RGL1: variants seen among roughly 807,000 people sequenced by gnomAD.
The protein encoded by RGL1 is ral guanine nucleotide dissociation stimulator like 1.
A neutral mutation model predicts 95.2 loss-of-function variants in RGL1; 24 were observed. The observed-to-expected ratio is 0.25, with a 90% confidence interval of 0.18 to 0.35. RGL1 has a LOEUF of 0.35. Among genes scored for constraint, RGL1 ranks in the 10% least tolerant of loss-of-function variants. The probability of loss-of-function intolerance (pLI) is 1.00; values close to 1 mark genes in which losing one functional copy is unlikely to be tolerated. For missense variants in RGL1, 715 were observed against 936.3 expected (o/e 0.76, Z 3.08); for synonymous variants, 329 against 344.9 (o/e 0.95, Z 0.51).
At chr1:183,643,741 G>A (rs1323472010) in intron 1 of RGL1, among the ~76,000 whole-genome samples, 1 of 152,126 alleles carries the variant, frequency 6.6e-6, no homozygotes. Context: ...ATGAACCACC[G>A]TGCTTGGCCA....
chr1:183,771,629 G>C lies in RGL1; in HGVS notation c.132+29340G>C, dbSNP rs568740383. ...TTAAACTCATCCTTCCTTTTGATAC[G>C]TGAGTGCTGGGAAGGGAAGAGCGTG... is the stretch of plus-strand genomic sequence containing the variant. On this transcript the variant is annotated intron_variant, in intron 2 of 18. Transcript: ENST00000304685. Among the ~76,000 whole-genome samples the C allele has an allele frequency of 5.3e-5, 8 of 152,338 alleles. No homozygotes were observed. In the South Asian group the frequency reaches 1.7e-3, roughly 32 times the overall value.
intron 13 of RGL1, 140 bp downstream of exon 13, chr1:183,905,111 G>A (rs967430186): frequency 2.3e-5 from 23 of 993,526 alleles, no homozygotes; most frequent in Admixed American, 1.3e-4. Flanking sequence ...TTTCAAAGGC[G>A]CATGGTGTGG....
chr1:183,722,284 A>C (rs1465448708), intron 1 of RGL1, among the ~76,000 whole-genome samples: 1 of 152,054 alleles, frequency 6.6e-6, no homozygotes, highest in Non-Finnish European at 1.5e-5. Flanking sequence ...ACCTATCCAA[A>C]ATGAAGCTTA....
intron 1 of RGL1, among the ~76,000 whole-genome samples, chr1:183,668,859 TC>T (rs1652226418): frequency 6.6e-6 from 1 of 151,942 alleles, no homozygotes; most frequent in African/African-American, 2.4e-5. Context: ...TTTGTAGTTG[TC>T]CCCCAGCTTT....
Position 183,815,512 on chromosome 1 carries a change from T to C in RGL1, c.138+9027T>C, listed in dbSNP as rs140251039. 5.0e-4 allele frequency among the ~76,000 whole-genome samples: 76 copies of C among 152,192 alleles called. 1 individual carries two copies. In the East Asian group the frequency reaches 0.013, roughly 25 times the overall value. On this transcript the variant is annotated intron_variant, in intron 2 of 17. Coordinates refer to ENST00000360851, the MANE Select transcript of RGL1 (RefSeq NM_001297671.3). ...AGGCCTGGCTAGGGAATTAGCTCAG[T>C]TGGGGACTTCGTAGACACTGGCACC...
chr1:183,907,759 G>A (rs1312891685), intron 14 of RGL1, among the ~76,000 whole-genome samples: 1 of 152,156 alleles, frequency 6.6e-6, no homozygotes, highest in Non-Finnish European at 1.5e-5. Flanking sequence ...TATCATGCTC[G>A]CAGTTGTATT....
chr1:183,906,783 C>G (rs920699864), intron 13 of RGL1, among the ~76,000 whole-genome samples: 9 of 136,754 alleles, frequency 6.6e-5, no homozygotes, highest in African/African-American at 2.5e-4. Context: ...ACTAAATAGC[C>G]TCAATCCATA....
intron 3 of RGL1, among the ~76,000 whole-genome samples, chr1:183,852,741 A>G (rs1664899849): frequency 6.6e-6 from 1 of 152,148 alleles, no homozygotes; most frequent in African/African-American, 2.4e-5. Flanking sequence ...TGAACCTGGG[A>G]GGCAGAAGTT....
Position 183,889,881 on chromosome 1 carries a change from T to A in RGL1, c.1055+1304T>A, listed in dbSNP as rs182369747. 2.6e-5 allele frequency among the ~76,000 whole-genome samples: 4 copies of A among 152,304 alleles called. No homozygotes were observed. The East Asian group carries it at 7.7e-4, about 29-fold the overall frequency. ...TCAAAGACCAATGCAATTTTCTTGATTATTATTCTTTTTTTAGGTTCTTTC... is the reference window on the plus strand; with the variant it reads ...TCAAAGACCAATGCAATTTTCTTGAATATTATTCTTTTTTTAGGTTCTTTC... On this transcript the variant is annotated intron_variant, in intron 8 of 17. Coordinates refer to ENST00000360851, the MANE Select transcript of RGL1 (RefSeq NM_001297671.3).
intron 2 of RGL1, among the ~76,000 whole-genome samples, chr1:183,752,993 G>A (rs1204319531): frequency 8.6e-5 from 13 of 151,972 alleles, no homozygotes. Context: ...ACATTTTGGG[G>A]TACGAGGGCT....
intron 2 of RGL1, among the ~76,000 whole-genome samples, chr1:183,779,153 A>AT (rs1659750366): frequency 1.4e-5 from 2 of 142,384 alleles, no homozygotes; most frequent in Non-Finnish European, 3.1e-5. Flanking sequence ...AAATTTCAAA[A>AT]TTTTCCCTTC....
intron 1 of RGL1, among the ~76,000 whole-genome samples, chr1:183,710,722 G>C (rs576045016): frequency 6.6e-6 from 1 of 152,152 alleles, no homozygotes; most frequent in Non-Finnish European, 1.5e-5. Context: ...TGAAGTATCA[G>C]ATCTCATGAG....
intron 1 of RGL1, among the ~76,000 whole-genome samples, chr1:183,735,122 A>G (rs1222231987): frequency 6.6e-6 from 1 of 152,050 alleles, no homozygotes. Context: ...AAGGGGGAGA[A>G]AGTATGTGGT....
chr1:183,849,501 T>G (rs1289985669), intron 3 of RGL1, among the ~76,000 whole-genome samples: 2 of 141,090 alleles, frequency 1.4e-5, no homozygotes, highest in African/African-American at 5.3e-5. Flanking sequence ...TTTTTTTTTT[T>G]TTTTTGTTGA....
At chr1:183,758,945 GC>G (rs1192766123) in intron 2 of RGL1, among the ~76,000 whole-genome samples, 1 of 152,134 alleles carries the variant, frequency 6.6e-6, no homozygotes, top group East Asian at 1.9e-4. Flanking sequence ...CTTACCCCAA[GC>G]TATTAATTGG....
chr1:183,747,196 G>A (rs1164932177), intron 2 of RGL1, among the ~76,000 whole-genome samples: 1 of 152,144 alleles, frequency 6.6e-6, no homozygotes, highest in African/African-American at 2.4e-5. Flanking sequence ...GGGTCAAATG[G>A]TATTTCTGGT....
In RGL1 at chr1:183,725,577, G is replaced by A. The variant is rs184830237; in HGVS notation, c.-32-16549G>A. The stretch of plus-strand genomic sequence containing the variant: ...AAAAAAAATAAGAACTATTACCAGG[G>A]ATAAAGAGGAATATTTCACAATGAT... On this transcript the variant is annotated intron_variant, in intron 1 of 18. Transcript: ENST00000304685. Among the ~76,000 whole-genome samples, 280 of 152,254 alleles carry A rather than the reference G, an allele frequency of 1.8e-3. 1 individual carries two copies. The highest frequency in any genetic ancestry group is 6.4e-3 in the African/African-American group (266 of 41,548).
At chr1:183,730,476 C>T (rs1197794552) in intron 1 of RGL1, among the ~76,000 whole-genome samples, 1 of 152,134 alleles carries the variant, frequency 6.6e-6, no homozygotes, top group Non-Finnish European at 1.5e-5. Flanking sequence ...GTGGCTCAGA[C>T]TAAAGCGTCA....
chr1:183,907,543 C>T (rs762174643), intron 14 of RGL1, among the ~76,000 whole-genome samples: 15 of 152,206 alleles, frequency 9.9e-5, no homozygotes, highest in African/African-American at 3.6e-4. Context: ...CAACATTGCC[C>T]TCTGTTCACC....
Sources: allele counts gnomAD v4.1 joint callset (sites outside exome capture counted in the v4.1 genomes callset), GRCh38; gene constraint gnomAD v4.1.1; transcripts MANE v1.5; gene names NCBI Gene and HGNC (gene_info 2026-07-23, HGNC 2026-07-21).